The following SOS1 variants were observed in gnomAD, a reference collection of about 807,000 sequenced individuals.
The protein encoded by SOS1 is SOS Ras/Rac guanine nucleotide exchange factor 1.
In SOS1, 25 loss-of-function variants were observed where a neutral mutation model predicts 157.6. The observed-to-expected ratio is 0.16, with a 90% CI of 0.12 to 0.22. SOS1 has a LOEUF of 0.22. SOS1 is among the 10% of genes least tolerant of loss of function. The pLI is 1.00. For missense variants in SOS1, 1,237 were observed against 1,599.1 expected, an observed-to-expected ratio of 0.77 and a Z score of 3.86; for synonymous variants, 528 against 534.0, an observed-to-expected ratio of 0.99 and a Z score of 0.16.
chr2:39,057,863 G>C (rs1240769461), intron 3 of SOS1, among the ~76,000 whole-genome samples: 2 of 148,358 alleles, frequency 1.3e-5, no homozygotes, highest in African/African-American at 5.0e-5. Context: ...TTAAATTTTG[G>C]ACAACATCAA....
At chr2:39,020,885 G>A (rs1469863411) in intron 10 of SOS1, among the ~76,000 whole-genome samples, 1 of 99,624 alleles carries the variant, frequency 1.0e-5, no homozygotes, top group Non-Finnish European at 2.4e-5. Flanking sequence ...TTCAAAAGAA[G>A]ACAGAAAAGA....
In SOS1 at chr2:38,986,086, G is replaced by C. The variant is rs768934399; in HGVS notation, c.3740C>G (p.Ala1247Gly). Reference sequence around the variant, plus strand: ...GGGGGAAGGGCTGTTTGGGAAGAAGGCATTGCCATGGTCACTTTTTTTGCC... The same window carrying C: ...GGGGGAAGGGCTGTTTGGGAAGAAGCCATTGCCATGGTCACTTTTTTTGCC... ...PLGKKSDHGN[A>G]FFPNSPSPFT... The change falls in exon 23 of 23, where the codon GCC becomes GGC. Residue 1247 changes from alanine (A) to glycine (G), a missense_variant. Ala to Gly is a moderately conservative substitution (Grantham distance 60). This residue lies in a region of SOS1 where 306 missense variants were observed against 322.6 expected (regional missense o/e 0.95). Coordinates refer to ENST00000402219, the MANE Select transcript of SOS1 (RefSeq NM_005633.4). 24 of 1,613,928 alleles carry C rather than the reference G, an allele frequency of 1.5e-5. No individual in the cohort carries two copies. Among genetic ancestry groups the C allele is most frequent in the Non-Finnish European group, 2.0e-5 (24 of 1,179,906 alleles).
chr2:39,077,747 A>G (rs1222219559), intron 1 of SOS1, among the ~76,000 whole-genome samples: 1 of 152,204 alleles, frequency 6.6e-6, no homozygotes, highest in Non-Finnish European at 1.5e-5. Flanking sequence ...CATCCAATAT[A>G]TAGTGCTAGG....
At chr2:39,123,109 C>T (rs904831051), upstream of SOS1, among the ~76,000 whole-genome samples, 1 of 152,182 alleles carries the variant, frequency 6.6e-6, no homozygotes, top group Non-Finnish European at 1.5e-5. Context: ...AAACAACAAC[C>T]TGCCTAAAGA....
At chr2:39,028,036 G>T (rs766294782) in intron 8 of SOS1, among the ~76,000 whole-genome samples, 1 of 152,078 alleles carries the variant, frequency 6.6e-6, no homozygotes, top group Non-Finnish European at 1.5e-5. Context: ...TTGCCATGTT[G>T]GCCAGGCTGG....
At chr2:39,122,778 T>C (rs2148247625), upstream of SOS1, among the ~76,000 whole-genome samples, 1 of 152,028 alleles carries the variant, frequency 6.6e-6, no homozygotes, top group South Asian at 2.1e-4. Context: ...ACTCCTGACC[T>C]CGTCATCCAC....
intron 6 of SOS1, among the ~76,000 whole-genome samples, chr2:39,040,811 A>C (rs908559526): frequency 3.9e-5 from 6 of 152,234 alleles, no homozygotes; most frequent in African/African-American, 1.4e-4. Flanking sequence ...ATGTTGGCAT[A>C]CAAGTATAGG....
At chr2:39,122,425 C>T (rs796451966), upstream of SOS1, among the ~76,000 whole-genome samples, 9 of 141,622 alleles carry the variant, frequency 6.4e-5, no homozygotes, top group African/African-American at 2.1e-4. Context: ...ACCAAAACTC[C>T]GTTTCAATTC....
intron 10 of SOS1, among the ~76,000 whole-genome samples, chr2:39,020,851 A>G (rs1286370554): frequency 1.3e-5 from 2 of 151,772 alleles, no homozygotes; most frequent in Admixed American, 6.6e-5. Flanking sequence ...TATTTATGAC[A>G]TAAATTAAAA....
At chr2:39,001,881 A>C (rs115391231) in intron 17 of SOS1, among the ~76,000 whole-genome samples, 1,870 of 152,336 alleles carry the variant, frequency 0.012, 47 homozygotes, top group African/African-American at 0.043. Flanking sequence ...GAAGGTTGGC[A>C]GATGGGCTGC....
intron 1 of SOS1, among the ~76,000 whole-genome samples, chr2:39,097,224 CTTTA>C (rs1672802347): frequency 6.6e-6 from 1 of 152,154 alleles, no homozygotes; most frequent in Admixed American, 6.5e-5. Context: ...CTATATAACA[CTTTA>C]TATATACAAA....
chr2:39,025,211 G>A (rs779048909), intron 8 of SOS1, among the ~76,000 whole-genome samples: 3 of 151,990 alleles, frequency 2.0e-5, no homozygotes, highest in Non-Finnish European at 2.9e-5. Context: ...TTGAGATACC[G>A]TCTATTAAAA....
At chr2:39,048,495 G>C (rs946411121) in intron 6 of SOS1, among the ~76,000 whole-genome samples, 1 of 151,962 alleles carries the variant, frequency 6.6e-6, no homozygotes, top group Admixed American at 6.6e-5. Flanking sequence ...CTGCCTCCCA[G>C]GTTCAAGCAA....
intron 20 of SOS1, chr2:38,992,984 C>T (rs1261196949): frequency 6.6e-6 from 1 of 151,750 alleles, no homozygotes; most frequent in Non-Finnish European, 1.5e-5. Context: ...ATCTATAACC[C>T]CAGCACTTTG....
Position 39,051,056 on chromosome 2 carries a change from C to G in SOS1, c.864+88G>C, listed in dbSNP as rs1044054944. On this transcript the variant is annotated intron_variant, in intron 6 of 22. Coordinates refer to ENST00000402219, the MANE Select transcript of SOS1 (RefSeq NM_005633.4). ...AATAGTCAACAATTAGTATCTATGACTTTAGCTGGAAAGAAGTAAGACTCT... is the reference window on the plus strand; with the variant it reads ...AATAGTCAACAATTAGTATCTATGAGTTTAGCTGGAAAGAAGTAAGACTCT... The G allele has an allele frequency of 1.3e-5, 16 of 1,215,432 alleles. No individual in the cohort carries two copies. The African/African-American group carries it at 2.2e-4, about 17-fold the overall frequency. The allele number at this position is 1,215,432 out of a possible 1,614,324, so 75.3% of individuals were successfully genotyped here.
intron 1 of SOS1, among the ~76,000 whole-genome samples, chr2:39,077,600 C>T (rs1180693486): frequency 2.0e-5 from 3 of 152,038 alleles, no homozygotes; most frequent in African/African-American, 4.8e-5. Flanking sequence ...GACATGATTA[C>T]GCTACAGTGA....
At chr2:39,080,431 G>A (rs1032305551) in intron 1 of SOS1, among the ~76,000 whole-genome samples, 1 of 152,134 alleles carries the variant, frequency 6.6e-6, no homozygotes, top group Non-Finnish European at 1.5e-5. Flanking sequence ...ACAGGCCATG[G>A]ACCAGTATCA....
At chr2:39,009,641 G>A (rs1179524157) in intron 15 of SOS1, among the ~76,000 whole-genome samples, 2 of 152,098 alleles carry the variant, frequency 1.3e-5, no homozygotes, top group Non-Finnish European at 2.9e-5. Flanking sequence ...AGCTTTAATG[G>A]GCTAAGAGGA....
At chr2:39,110,041 T>TGTGTGC (rs1553371528) in intron 1 of SOS1, among the ~76,000 whole-genome samples, 2 of 113,164 alleles carry the variant, frequency 1.8e-5, no homozygotes, top group Non-Finnish European at 4.0e-5. Flanking sequence ...TGTGTGTGCG[T>TGTGTGC]GTGTGTGTGT....
Sources: gnomAD v4.1 joint callset for allele counts (sites outside exome capture counted in the v4.1 genomes callset) on GRCh38, gnomAD v4.1.1 for gene constraint, gnomAD v4.1.1 regional missense constraint, MANE v1.5 for transcripts, NCBI Gene and HGNC (gene_info 2026-07-23, HGNC 2026-07-21) for gene names.